Variants in WWOX observed in about 807,000 individuals in gnomAD.
WWOX encodes the protein WW domain containing oxidoreductase.
Under a neutral mutation model 46.2 loss-of-function variants are expected in WWOX, and 69 were observed. The observed-to-expected ratio is 1.49, with a 90% confidence interval of 1.23 to 1.82. The LOEUF is 1.82. WWOX is among the 40% of genes most tolerant of loss of function. The probability of loss-of-function intolerance (pLI) is 0.00; values close to 1 mark genes in which losing one functional copy is unlikely to be tolerated. For synonymous variants in WWOX, 359 were observed against 202.6 expected (o/e 1.77, Z -6.56); for missense variants, 919 against 542.6 (o/e 1.69, Z -6.89).
chr16:78,578,077 C>T (rs147035518), intron 8 of WWOX, among the ~76,000 whole-genome samples: 196 of 151,504 alleles, frequency 1.3e-3, no homozygotes, highest in African/African-American at 4.6e-3. Context: ...TCACTAGCCA[C>T]CTGCTTCCGA....
At chr16:78,817,952 G>T (rs764080941) in intron 8 of WWOX, among the ~76,000 whole-genome samples, 2 of 152,194 alleles carry the variant, frequency 1.3e-5, no homozygotes, top group Admixed American at 6.5e-5. Context: ...TGAAGAACAC[G>T]TGCCTTGGAA....
chr16:78,757,413 G>A (rs549799717), intron 8 of WWOX, among the ~76,000 whole-genome samples: 1 of 152,098 alleles, frequency 6.6e-6, no homozygotes, highest in Non-Finnish European at 1.5e-5. Flanking sequence ...GACACTGTCT[G>A]TTGCTTCTGT....
rs73569107 is a variant in WWOX at position 79,010,998 on chromosome 16, C to T, written c.1057-200610C>T. Among the ~76,000 whole-genome samples the T allele has an allele frequency of 4.1e-3, 626 of 152,128 alleles. 4 individuals carry two copies. Among genetic ancestry groups the T allele is most frequent in the African/African-American group, 0.011 (468 of 41,482 alleles). ...GCAGGCTCTGAGTAGAGGAGTAGCA[C>T]GATCTGGCTTACGATGATTTCTAAC... On this transcript the variant is annotated intron_variant, in intron 8 of 8. Coordinates refer to ENST00000566780, the MANE Select transcript of WWOX (RefSeq NM_016373.4).
chr16:78,478,030 TA>T (rs1333062932), intron 8 of WWOX, among the ~76,000 whole-genome samples: 1 of 152,142 alleles, frequency 6.6e-6, no homozygotes, highest in Non-Finnish European at 1.5e-5. Flanking sequence ...TTAAAAGCAA[TA>T]AAATCCCCTA....
intron 8 of WWOX, among the ~76,000 whole-genome samples, chr16:78,832,623 C>T (rs189100612): frequency 2.0e-5 from 3 of 152,138 alleles, no homozygotes; most frequent in African/African-American, 7.2e-5. Context: ...GCGTCCCTCT[C>T]TCCTTCCTGG....
chr16:78,197,112 C>T (rs1262531839), intron 5 of WWOX, among the ~76,000 whole-genome samples: 2 of 152,186 alleles, frequency 1.3e-5, no homozygotes, highest in Admixed American at 6.5e-5. Flanking sequence ...TCCATTATTC[C>T]TTATTCCTTG....
At chr16:78,515,361 G>A (rs143083780) in intron 8 of WWOX, among the ~76,000 whole-genome samples, 6 of 152,126 alleles carry the variant, frequency 3.9e-5, no homozygotes, top group East Asian at 1.9e-4. Flanking sequence ...CAGACTCTGC[G>A]TACAGCTAAG....
chr16:78,946,906 G>T (rs1460931329), intron 8 of WWOX, among the ~76,000 whole-genome samples: 1 of 152,178 alleles, frequency 6.6e-6, no homozygotes, highest in Admixed American at 6.5e-5. Context: ...CTCAGAGTCA[G>T]TAGGATAGTT....
At chr16:78,314,921 C>A (rs1666365456) in intron 5 of WWOX, among the ~76,000 whole-genome samples, 1 of 152,000 alleles carries the variant, frequency 6.6e-6, no homozygotes, top group Non-Finnish European at 1.5e-5. Context: ...TTGTGGTCAG[C>A]TAGAAGGTCA....
chr16:79,069,956 A>T (rs2048517477), intron 8 of WWOX, among the ~76,000 whole-genome samples: 1 of 152,368 alleles, frequency 6.6e-6, no homozygotes, highest in East Asian at 1.9e-4. Flanking sequence ...ATATTTAAGG[A>T]TGTTCAAGGC....
At chr16:78,246,351 C>G (rs1040619572) in intron 5 of WWOX, among the ~76,000 whole-genome samples, 1 of 152,262 alleles carries the variant, frequency 6.6e-6, no homozygotes, top group East Asian at 1.9e-4. Context: ...TGCAAAAGAC[C>G]TCCTACCTTT....
intron 8 of WWOX, among the ~76,000 whole-genome samples, chr16:79,109,231 GTCC>G (rs1280118264): frequency 6.6e-6 from 1 of 152,154 alleles, no homozygotes; most frequent in African/African-American, 2.4e-5. Context: ...TTTTGCCGCT[GTCC>G]TCCTAATCCA....
intron 8 of WWOX, among the ~76,000 whole-genome samples, chr16:78,473,495 A>G (rs887946059): frequency 1.3e-5 from 2 of 152,186 alleles, no homozygotes; most frequent in African/African-American, 4.8e-5. Context: ...CAGCATGAAG[A>G]GCTGACAATA....
At chr16:79,184,837 G>A (rs2050982004) in intron 8 of WWOX, among the ~76,000 whole-genome samples, 2 of 152,240 alleles carry the variant, frequency 1.3e-5, no homozygotes, top group South Asian at 4.1e-4. Context: ...TTGGCAGTGA[G>A]ACAGTTGGCT....
intron 8 of WWOX, among the ~76,000 whole-genome samples, chr16:79,147,164 C>G (rs953665553): frequency 6.6e-6 from 1 of 152,082 alleles, no homozygotes; most frequent in Non-Finnish European, 1.5e-5. Flanking sequence ...GTGTAGCTTC[C>G]TTTATACACA....
chr16:79,024,025 C>T (rs1048055127), intron 8 of WWOX, among the ~76,000 whole-genome samples: 1 of 152,088 alleles, frequency 6.6e-6, no homozygotes, highest in African/African-American at 2.4e-5. Context: ...ACATGTGAAT[C>T]TGTGTATACA....
chr16:79,124,435 A>G (rs376094416), intron 8 of WWOX, among the ~76,000 whole-genome samples: 4 of 152,308 alleles, frequency 2.6e-5, no homozygotes, highest in East Asian at 3.9e-4. Context: ...GTTCCTCATC[A>G]TGATACGTTA....
intron 8 of WWOX, among the ~76,000 whole-genome samples, chr16:78,592,420 A>G (rs1034146897): frequency 6.6e-6 from 1 of 152,214 alleles, no homozygotes; most frequent in Non-Finnish European, 1.5e-5. Flanking sequence ...CCATAAGAAC[A>G]TACACAAGCA....
At chr16:78,728,056 T>TTA (rs534538322) in intron 8 of WWOX, among the ~76,000 whole-genome samples, 1 of 68,966 alleles carries the variant, frequency 1.4e-5, no homozygotes, top group African/African-American at 8.1e-5. Context: ...CCCTCCTTCC[T>TTA]TTTTTTTTTT....
Sources: allele counts gnomAD v4.1 joint callset (sites outside exome capture counted in the v4.1 genomes callset), GRCh38; gene constraint gnomAD v4.1.1; transcripts MANE v1.5; gene names NCBI Gene and HGNC (gene_info 2026-07-23, HGNC 2026-07-21).